Variants in CAMK1D observed in about 807,000 individuals in gnomAD.
CAMK1D encodes the protein calcium/calmodulin dependent protein kinase ID.
CAMK1D carries 9 observed loss-of-function variants against 47.7 expected under a neutral mutation model. The observed-to-expected ratio is 0.19, with a 90% CI of 0.11 to 0.33. The LOEUF (loss-of-function observed/expected upper bound fraction) is 0.33. Among genes scored for constraint, CAMK1D ranks in the 10% least tolerant of loss-of-function variants. The probability of loss-of-function intolerance (pLI) is 1.00; values close to 1 mark genes in which losing one functional copy is unlikely to be tolerated. For missense variants in CAMK1D, 291 were observed against 488.7 expected (o/e 0.60, Z 3.81); for synonymous variants, 184 against 184.9 (o/e 0.99, Z 0.04).
chr10:12,619,999 G>A (rs927490498), intron 2 of CAMK1D, among the ~76,000 whole-genome samples: 4 of 151,894 alleles, frequency 2.6e-5, no homozygotes, highest in Non-Finnish European at 5.9e-5. Flanking sequence ...GAGATTTATC[G>A]AAGTTGTTGT....
At chr10:12,800,278 T>C (rs182585162) in intron 6 of CAMK1D, among the ~76,000 whole-genome samples, 1 of 152,384 alleles carries the variant, frequency 6.6e-6, no homozygotes, top group Non-Finnish European at 1.5e-5. Flanking sequence ...TGCTAAAACC[T>C]GTTTTGGTTA....
intron 3 of CAMK1D, among the ~76,000 whole-genome samples, chr10:12,690,069 C>T (rs913804389): frequency 6.6e-6 from 1 of 152,298 alleles, no homozygotes; most frequent in Non-Finnish European, 1.5e-5. Context: ...AGTACGGCCT[C>T]GTGCTCTGTG....
At chr10:12,566,169 TG>T (rs1837117979) in intron 2 of CAMK1D, among the ~76,000 whole-genome samples, 1 of 152,176 alleles carries the variant, frequency 6.6e-6, no homozygotes, top group Admixed American at 6.5e-5. Context: ...GCACATAGTG[TG>T]GGCTCTCCAA....
chr10:12,357,357 C>T (rs191120603), intron 1 of CAMK1D, among the ~76,000 whole-genome samples: 1 of 151,978 alleles, frequency 6.6e-6, no homozygotes, highest in Admixed American at 6.6e-5. Flanking sequence ...ACTCTGTCAC[C>T]CAGCCTGGAG....
intron 3 of CAMK1D, among the ~76,000 whole-genome samples, chr10:12,727,715 C>T (rs1054899679): frequency 6.6e-6 from 1 of 151,536 alleles, no homozygotes; most frequent in African/African-American, 2.4e-5. Context: ...TAGGATGCAC[C>T]TAAGAGCCAG....
At chr10:12,358,974 C>T (rs1837586801) in intron 1 of CAMK1D, among the ~76,000 whole-genome samples, 1 of 152,136 alleles carries the variant, frequency 6.6e-6, no homozygotes, top group African/African-American at 2.4e-5. Context: ...GCATATTTAA[C>T]CTCCCCCAAA....
At chr10:12,430,735 G>GTGATGATGA (rs757039237) in intron 1 of CAMK1D, among the ~76,000 whole-genome samples, 7 of 151,560 alleles carry the variant, frequency 4.6e-5, no homozygotes, top group African/African-American at 9.7e-5. Flanking sequence ...GTGCATACAT[G>GTGATGATGA]TGATGATGAT....
chr10:12,432,219 G>A (rs557362014), intron 1 of CAMK1D, among the ~76,000 whole-genome samples: 78 of 152,334 alleles, frequency 5.1e-4, no homozygotes, highest in Non-Finnish European at 9.4e-4. Context: ...AAACTTGCCC[G>A]TGGTGGTGGG....
intron 2 of CAMK1D, among the ~76,000 whole-genome samples, chr10:12,556,687 A>T (rs936471344): frequency 2.6e-5 from 4 of 152,134 alleles, no homozygotes; most frequent in Admixed American, 6.5e-5. Context: ...GAGAGGTGGG[A>T]TTGTGGAGGG....
At chr10:12,469,406 C>A (rs1833684242) in intron 1 of CAMK1D, among the ~76,000 whole-genome samples, 1 of 149,416 alleles carries the variant, frequency 6.7e-6, no homozygotes, top group African/African-American at 2.5e-5. Context: ...CAAGCGAGGC[C>A]TTCCCTGAGA....
intron 1 of CAMK1D, among the ~76,000 whole-genome samples, chr10:12,473,464 A>G (rs1225456129): frequency 6.6e-6 from 1 of 151,930 alleles, no homozygotes; most frequent in Non-Finnish European, 1.5e-5. Context: ...ACAATAATGA[A>G]CCCTTTCATA....
intron 2 of CAMK1D, among the ~76,000 whole-genome samples, chr10:12,646,952 C>T (rs1466395270): frequency 4.6e-5 from 7 of 150,744 alleles, no homozygotes; most frequent in Non-Finnish European, 8.8e-5. Flanking sequence ...AGTGATTCTC[C>T]TACCTTAGCA....
At chr10:12,584,558 G>A (rs1344748048) in intron 2 of CAMK1D, among the ~76,000 whole-genome samples, 7 of 151,922 alleles carry the variant, frequency 4.6e-5, no homozygotes, top group African/African-American at 1.7e-4. Flanking sequence ...GGTGGCTCTC[G>A]CCTGTAATCC....
At chr10:12,718,146 G>A (rs945688673) in intron 3 of CAMK1D, among the ~76,000 whole-genome samples, 5 of 152,076 alleles carry the variant, frequency 3.3e-5, no homozygotes, top group South Asian at 4.1e-4. Context: ...CGTCAAACCC[G>A]TGTGTCATTT....
At position 12,825,630 on chromosome 10, in the gene CAMK1D, A is replaced by G. The variant is rs1163587540; in HGVS notation, c.979A>G (p.Ser327Gly). The change falls in exon 10 of 11, where the codon AGC becomes GGC. Residue 327 changes from serine to glycine, a missense_variant. By Grantham distance (56) the Ser-to-Gly change is moderately conservative (BLOSUM62 0). Around this residue, in one of 2 missense-constraint regions of CAMK1D, gnomAD observed 219 missense variants for 424.3 expected, o/e 0.52. Transcript: ENST00000619168. ...TATGAGAAAACTACACCTCGGCAGC[A>G]GCCTGGACAGTTCAAATGCAAGTGT... is the stretch of plus-strand genomic sequence containing the variant. ...RHMRKLHLGS[S>G]LDSSNASVSS... 3.1e-6 allele frequency: 5 copies of G among 1,614,148 alleles called. No homozygotes were observed. The highest frequency in any genetic ancestry group is 4.5e-5 in the East Asian group (2 of 44,902).
chr10:12,628,375 T>C (rs983873256), intron 2 of CAMK1D, among the ~76,000 whole-genome samples: 3 of 152,248 alleles, frequency 2.0e-5, no homozygotes, highest in Admixed American at 6.5e-5. Flanking sequence ...TAGTATGTAC[T>C]AGTGTGGTCA....
intron 1 of CAMK1D, among the ~76,000 whole-genome samples, chr10:12,440,436 C>T (rs1419329215): frequency 2.0e-5 from 3 of 151,952 alleles, no homozygotes; most frequent in Non-Finnish European, 2.9e-5. Context: ...TACAGGTGGA[C>T]GCCACCACAC....
At chr10:12,728,658 C>T (rs189674323) in intron 3 of CAMK1D, among the ~76,000 whole-genome samples, 2 of 152,306 alleles carry the variant, frequency 1.3e-5, no homozygotes, top group African/African-American at 2.4e-5. Flanking sequence ...TGGACAGCTG[C>T]GTTAGGATGA....
At chr10:12,495,492 A>T (rs1484279990) in intron 1 of CAMK1D, among the ~76,000 whole-genome samples, 1 of 152,232 alleles carries the variant, frequency 6.6e-6, no homozygotes, top group East Asian at 1.9e-4. Flanking sequence ...GTTTTAAAAA[A>T]TTTTAACTGA....
Sources: gnomAD v4.1 joint callset for allele counts (sites outside exome capture counted in the v4.1 genomes callset) on GRCh38, gnomAD v4.1.1 for gene constraint, gnomAD v4.1.1 regional missense constraint, MANE v1.5 for transcripts, NCBI Gene and HGNC (gene_info 2026-07-23, HGNC 2026-07-21) for gene names.